Variants in ZNF213 observed in about 807,000 individuals in gnomAD.
ZNF213 encodes zinc finger protein 213.
ZNF213 carries 32 observed loss-of-function variants against 46.0 expected under a neutral mutation model. The ratio of observed to expected loss-of-function variants is 0.70; its 90% confidence interval spans 0.52 to 0.93. The LOEUF (loss-of-function observed/expected upper bound fraction) is 0.93. ZNF213 is among the 40% of genes least tolerant of loss of function. The pLI, the probability that ZNF213 is intolerant of heterozygous loss-of-function variation, is 0.00. For synonymous variants in ZNF213, 297 were observed against 271.0 expected (o/e 1.10, Z -0.94); for missense variants, 639 against 652.8 (o/e 0.98, Z 0.23).
chr16:3,139,031 C>A lies in ZNF213; in HGVS notation c.654C>A (p.Thr218=). ...PFYFSREEWG[T]LDPAQRDLFW... is the part of the protein sequence containing the mutation. ...ATTTCTCCCGGGAAGAATGGGGCAC[C>A]CTGGACCCTGCTCAGCGGGATCTCT... Residue 218 remains threonine, a synonymous_variant, in exon 5 of 6, where the codon ACC becomes ACA. Transcript: ENST00000396878. 6.2e-7 allele frequency: 1 copy of A among 1,614,118 alleles called. No individual in the cohort carries two copies. The highest frequency in any genetic ancestry group is 8.5e-7 in the Non-Finnish European group (1 of 1,179,984).
Position 3,140,804 on chromosome 16 carries a change from C to T in ZNF213, c.837C>T (p.Ala279=), listed in dbSNP as rs1957593913. The part of the protein sequence containing the change: ...TVSWSPEEAE[A]WESENRPRAA... ...CCTGGAGCCCCGAGGAGGCTGAGGC[C>T]TGGGAGAGCGAGAACCGGCCGAGGG... The change falls in exon 6 of 6, where the codon GCC becomes GCT. Residue 279 remains alanine (A), a synonymous_variant. Transcript: ENST00000396878. 6.3e-7 allele frequency: 1 copy of T among 1,595,568 alleles called. No individual in the cohort carries two copies. The highest frequency in any genetic ancestry group is 1.8e-5 in the Admixed American group (1 of 56,206).
chr16:3,136,484 G>A (rs535681539), intron 1 of ZNF213, among the ~76,000 whole-genome samples: 2 of 152,306 alleles, frequency 1.3e-5, no homozygotes, highest in East Asian at 1.9e-4. Flanking sequence ...TTAGGAGGCC[G>A]AGGCGGGTGG....
In ZNF213 at chr16:3,141,411, C is replaced by T; in HGVS notation, c.*64C>T. 6.8e-7 allele frequency: 1 copy of T among 1,480,008 alleles called. No individual in the cohort carries two copies. The highest frequency in any genetic ancestry group is 1.4e-5 in the African/African-American group (1 of 71,222). The allele number at this position is 1,480,008 out of a possible 1,614,324, so 91.7% of individuals were successfully genotyped here. ...ACGGCACATCCTGCTTTGTTCACCA[C>T]TGGGACTCTCCTTCCATCTGTGGCC... On this transcript the variant is annotated 3_prime_UTR_variant, in exon 6 of 6. Transcript: ENST00000396878.
At chr16:3,137,917 T>A (rs1012044995) in intron 2 of ZNF213, 22 of 594,180 alleles carry the variant, frequency 3.7e-5, no homozygotes, top group Non-Finnish European at 6.5e-5. Flanking sequence ...GTGCGAATGT[T>A]CCAGACAGGA....
chr16:3,139,149 G>T, intron 5 of ZNF213, 51 bp downstream of exon 5: 1 of 1,600,354 alleles, frequency 6.2e-7, no homozygotes. Context: ...GATTCTGCTG[G>T]AACTTCAGTC....
rs1351045166 is a variant in ZNF213 at position 3,140,976 on chromosome 16, C to T, written c.1009C>T (p.Arg337Cys). The change falls in exon 6 of 6, where the codon CGC (arginine) becomes TGC (cysteine). Residue 337 changes from arginine (R) to cysteine (C), a missense_variant. Coordinates refer to ENST00000396878, the MANE Select transcript of ZNF213 (RefSeq NM_004220.3). The part of the protein sequence containing the change: ...RWGSDLARHQ[R>C]THTGEKPHKC... ...GGGCTCGGACCTGGCGCGGCACCAGCGCACGCACACGGGCGAGAAGCCACA... is the reference window on the plus strand; with the variant it reads ...GGGCTCGGACCTGGCGCGGCACCAGTGCACGCACACGGGCGAGAAGCCACA... 3 of 1,608,636 alleles carry T rather than the reference C, an allele frequency of 1.9e-6. No homozygotes were observed. The highest frequency in any genetic ancestry group is 1.3e-5 in the African/African-American group (1 of 74,844).
At chr16:3,138,276 A>G (rs1957563922) in intron 2 of ZNF213, 142 bp from the exon 3 acceptor site, 1 of 1,478,128 alleles carries the variant, frequency 6.8e-7, no homozygotes. Flanking sequence ...TCTCCTCCGG[A>G]CTTTTCCTGG....
At chr16:3,140,512 T>G in intron 5 of ZNF213, 177 bp from the exon 6 acceptor site, 1 of 959,930 alleles carries the variant, frequency 1.0e-6, no homozygotes, top group Non-Finnish European at 1.4e-6. Flanking sequence ...CTTGAGTCAC[T>G]GCGCCTGGCC....
chr16:3,142,110 G>T lies in ZNF213; in HGVS notation c.*763G>T. On this transcript the variant is annotated 3_prime_UTR_variant, in exon 6 of 6. Coordinates refer to ENST00000396878, the MANE Select transcript of ZNF213 (RefSeq NM_004220.3). ...CATCTTTTCCTCCAGAGGTGGGGCTGCACCAGACTCAGCACTAGCACTCCA... is the reference window on the plus strand; with the variant it reads ...CATCTTTTCCTCCAGAGGTGGGGCTTCACCAGACTCAGCACTAGCACTCCA... The T allele has an allele frequency of 6.3e-6, 1 of 159,950 alleles. No homozygotes were observed. The highest frequency in any genetic ancestry group is 1.4e-5 in the Non-Finnish European group (1 of 72,574). 9.9% of individuals were successfully genotyped at this position (159,950 alleles called of 1,614,324 possible).
At chr16:3,140,638 C>A in intron 5 of ZNF213, 51 bp from the exon 6 acceptor site, 1 of 1,468,124 alleles carries the variant, frequency 6.8e-7, no homozygotes, top group South Asian at 1.5e-5. Flanking sequence ...CACCTCAGCT[C>A]TGGCCCCAGA....
At chr16:3,138,711 C>T in intron 3 of ZNF213, 34 bp from the exon 4 acceptor site, 1 of 1,613,616 alleles carries the variant, frequency 6.2e-7, no homozygotes, top group Non-Finnish European at 8.5e-7. Flanking sequence ...CAAGCCTGGG[C>T]TGGCCTTTCT....
At chr16:3,136,683 CT>C (rs1436296291) in intron 1 of ZNF213, among the ~76,000 whole-genome samples, 1 of 149,016 alleles carries the variant, frequency 6.7e-6, no homozygotes, top group African/African-American at 2.5e-5. Context: ...CGCCACTGCA[CT>C]CCAGCCTGGG....
chr16:3,140,828 G>A lies in ZNF213; in HGVS notation c.861G>A (p.Arg287=), dbSNP rs757941455. 11 of 1,586,860 alleles carry A rather than the reference G, an allele frequency of 6.9e-6. No individual in the cohort carries two copies. The highest frequency in any genetic ancestry group is 9.4e-6 in the Non-Finnish European group (11 of 1,170,666). Residue 287 remains arginine, a synonymous_variant, in exon 6 of 6, where the codon AGG becomes AGA. Transcript: ENST00000396878. ...AEAWESENRP[R]AALGPVVGAR... The stretch of plus-strand genomic sequence containing the variant: ...CCTGGGAGAGCGAGAACCGGCCGAG[G>A]GCGGCCCTGGGCCCAGTGGTGGGCG...
At chr16:3,139,132 C>T (rs372182502) in intron 5 of ZNF213, 34 bp downstream of exon 5, 93 of 1,604,964 alleles carry the variant, frequency 5.8e-5, no homozygotes, top group African/African-American at 5.0e-4. Flanking sequence ...CCAGGCTGGC[C>T]GCCCCCGATT....
intron 3 of ZNF213, 66 bp from the exon 4 acceptor site, chr16:3,138,679 G>C: frequency 6.2e-7 from 1 of 1,611,476 alleles, no homozygotes; most frequent in Non-Finnish European, 8.5e-7. Flanking sequence ...GCACAGGCTG[G>C]GGAGGCCATA....
Position 3,141,629 on chromosome 16 carries a change from C to A in ZNF213, c.*282C>A, listed in dbSNP as rs1567187453. Reference sequence around the variant, plus strand: ...TAGTTTCCTGGAGCCCCAACACATTCCTGGCAGGGACAGCAGGGTGGCAAG... The same window carrying A: ...TAGTTTCCTGGAGCCCCAACACATTACTGGCAGGGACAGCAGGGTGGCAAG... On this transcript the variant is annotated 3_prime_UTR_variant, in exon 6 of 6. Coordinates refer to ENST00000396878, the MANE Select transcript of ZNF213 (RefSeq NM_004220.3). The A allele has an allele frequency of 4.3e-6, 2 of 468,910 alleles. No individual in the cohort carries two copies. Among genetic ancestry groups the A allele is most frequent in the South Asian group, 7.7e-5 (2 of 25,960 alleles). 29.0% of individuals were successfully genotyped at this position (468,910 alleles called of 1,614,324 possible).
intron 5 of ZNF213, 115 bp downstream of exon 5, chr16:3,139,213 G>T: frequency 1.4e-6 from 2 of 1,458,754 alleles, no homozygotes; most frequent in Admixed American, 4.4e-5. Context: ...CCTAGGTCTT[G>T]CCAGGAGCCT....
intron 5 of ZNF213, 87 bp downstream of exon 5, chr16:3,139,185 G>A (rs944724468): frequency 1.3e-6 from 2 of 1,553,156 alleles, no homozygotes; most frequent in African/African-American, 2.7e-5. Context: ...TCCTTAGCTG[G>A]TTCCAAAGCA....
rs2717698 is a variant in ZNF213, at chr16:3,135,641, C to T, written c.-116+254C>T. ...CATTTATGTAGAAACACATCAAGCA[C>T]CTTTTCTCCCCGCTATGGATGACTT... On this transcript the variant is annotated intron_variant, in intron 1 of 5. Transcript: ENST00000396878. Among the ~76,000 whole-genome samples the T allele has an allele frequency of 3.9e-5, 6 of 152,150 alleles. No individual in the cohort carries two copies. The East Asian group carries it at 1.2e-3, about 29-fold the overall frequency.
Sources: gnomAD v4.1 joint callset for allele counts (sites outside exome capture counted in the v4.1 genomes callset) on GRCh38, gnomAD v4.1.1 for gene constraint, MANE v1.5 for transcripts, NCBI Gene and HGNC (gene_info 2026-07-23, HGNC 2026-07-21) for gene names.